The following TENM2 variants were observed in gnomAD, a reference collection of about 807,000 sequenced individuals.
TENM2 encodes the protein teneurin transmembrane protein 2.
In TENM2, 52 loss-of-function variants were observed where a neutral mutation model predicts 245.2. The observed-to-expected ratio is 0.21, with a 90% CI of 0.17 to 0.27. TENM2 has a LOEUF of 0.27. TENM2 is among the 10% of genes least tolerant of loss of function. TENM2 has a pLI of 1.00. For missense variants in TENM2, 3,046 were observed against 3,666.8 expected (o/e 0.83, Z 4.37); for synonymous variants, 1,363 against 1,438.9 (o/e 0.95, Z 1.19).
At chr5:168,239,805 G>C (rs915969536) in intron 25 of TENM2, among the ~76,000 whole-genome samples, 7 of 152,054 alleles carry the variant, frequency 4.6e-5, no homozygotes, top group African/African-American at 9.7e-5. Context: ...TTATATTATG[G>C]TTATATATGT....
Position 167,766,844 on chromosome 5 carries a change from A to T in TENM2, c.503-109142A>T, listed in dbSNP as rs34206266. Among the ~76,000 whole-genome samples the T allele has an allele frequency of 4.9e-3, 738 of 152,164 alleles. 15 individuals carry two copies. Among genetic ancestry groups the T allele is most frequent in the East Asian group, 0.033 (171 of 5,174 alleles). ...CAGTGAGCCAAGATCGTGCCACTAC[A>T]CTCCAGCCTGGGAGACAGAGTGAGA... On this transcript the variant is annotated intron_variant, in intron 2 of 28. Transcript: ENST00000518659.
At chr5:167,571,579 A>ACCT (rs1774265920) in intron 2 of TENM2, among the ~76,000 whole-genome samples, 1 of 152,052 alleles carries the variant, frequency 6.6e-6, no homozygotes, top group African/African-American at 2.4e-5. Flanking sequence ...CAGGGAACCC[A>ACCT]CCTCCTCACT....
At chr5:167,422,553 A>G (rs1487144764) in intron 2 of TENM2, among the ~76,000 whole-genome samples, 2 of 152,184 alleles carry the variant, frequency 1.3e-5, no homozygotes, top group African/African-American at 4.8e-5. Flanking sequence ...TCCACATTGG[A>G]GTATTCTCTA....
chr5:167,963,100 C>T (rs1031825785), intron 4 of TENM2, among the ~76,000 whole-genome samples: 3 of 152,048 alleles, frequency 2.0e-5, no homozygotes, highest in Non-Finnish European at 4.4e-5. Flanking sequence ...CTAAAAGTTA[C>T]AGAGATTTTA....
chr5:167,823,456 A>C (rs1057053580), intron 2 of TENM2, among the ~76,000 whole-genome samples: 24 of 152,086 alleles, frequency 1.6e-4, no homozygotes, highest in African/African-American at 4.8e-4. Flanking sequence ...CCCCCCTGCC[A>C]CCAAATTCTC....
At chr5:167,987,027 A>G (rs993362998) in intron 4 of TENM2, among the ~76,000 whole-genome samples, 2 of 152,188 alleles carry the variant, frequency 1.3e-5, no homozygotes, top group Non-Finnish European at 2.9e-5. Flanking sequence ...GAAGAATAGT[A>G]CCATGTAAGA....
intron 3 of TENM2, among the ~76,000 whole-genome samples, chr5:167,918,092 C>A (rs1777083139): frequency 6.6e-6 from 1 of 152,170 alleles, no homozygotes; most frequent in Non-Finnish European, 1.5e-5. Flanking sequence ...GGTTAAACAA[C>A]AGTGAGAAAA....
rs564340630 is a variant in TENM2, at chr5:167,337,049, G to A, written c.227-38149G>A. Among the ~76,000 whole-genome samples, 175 of 147,184 alleles carry A rather than the reference G, an allele frequency of 1.2e-3. 1 individual carries two copies. The South Asian group carries it at 0.017, about 14-fold the overall frequency. ...GGAGAATGGCGTGAACCCGGGAAGC[G>A]GAGCTTGCAGTGAGCCGAGATTGCG... On this transcript the variant is annotated intron_variant, in intron 1 of 28. Coordinates refer to ENST00000518659, the Ensembl canonical transcript of TENM2.
At chr5:167,273,150 C>T in the TENM2 span, among the ~76,000 whole-genome samples, 2 of 152,154 alleles carry the variant, frequency 1.3e-5, no homozygotes, top group East Asian at 3.9e-4. Flanking sequence ...TAGACAAAGG[C>T]TTGCAGGCAA....
At chr5:166,998,355 G>A in the TENM2 span, among the ~76,000 whole-genome samples, 15 of 152,134 alleles carry the variant, frequency 9.9e-5, no homozygotes, top group Admixed American at 9.8e-4. Flanking sequence ...AGGATTTTAA[G>A]CATAGGAATG....
the TENM2 span, among the ~76,000 whole-genome samples, chr5:167,151,221 C>G: frequency 1.3e-3 from 202 of 152,254 alleles, 1 homozygote; most frequent in Non-Finnish European, 2.5e-3. Context: ...AAAGGAAAAA[C>G]AGTGGAATTG....
chr5:167,462,206 G>T (rs1766357140), intron 2 of TENM2, among the ~76,000 whole-genome samples: 1 of 90,840 alleles, frequency 1.1e-5, no homozygotes, highest in Admixed American at 1.7e-4. Context: ...TGCAGGACAT[G>T]CAACAGGGGT....
intron 2 of TENM2, among the ~76,000 whole-genome samples, chr5:167,696,835 C>T (rs2150422573): frequency 1.3e-5 from 2 of 152,230 alleles, no homozygotes; most frequent in African/African-American, 4.8e-5. Context: ...CCTTACTTCC[C>T]ACCTCCTCCT....
At chr5:167,223,855 T>A in the TENM2 span, among the ~76,000 whole-genome samples, 8 of 152,160 alleles carry the variant, frequency 5.3e-5, no homozygotes, top group Non-Finnish European at 1.2e-4. Flanking sequence ...CATCTGATAT[T>A]TGTTGTCATT....
At chr5:167,877,776 A>G (rs766123526) in intron 3 of TENM2, among the ~76,000 whole-genome samples, 1 of 152,238 alleles carries the variant, frequency 6.6e-6, no homozygotes, top group Non-Finnish European at 1.5e-5. Context: ...AATTAAAAAT[A>G]TGTGGAAATA....
chr5:167,746,849 C>T (rs1223388316), intron 2 of TENM2, among the ~76,000 whole-genome samples: 2 of 152,048 alleles, frequency 1.3e-5, no homozygotes, highest in East Asian at 3.9e-4. Context: ...CGTGTGTGTG[C>T]ATACACACAT....
chr5:167,274,694 G>A, the TENM2 span, among the ~76,000 whole-genome samples: 9 of 150,758 alleles, frequency 6.0e-5, no homozygotes, highest in South Asian at 1.9e-3. Context: ...AAAAAAAGTA[G>A]CTATTATAAT....
intron 5 of TENM2, among the ~76,000 whole-genome samples, chr5:168,044,922 T>C (rs1239011819): frequency 2.7e-5 from 4 of 150,426 alleles, no homozygotes; most frequent in Non-Finnish European, 4.4e-5. Flanking sequence ...AGAGAAAGAA[T>C]GGCTGATTAA....
intron 2 of TENM2, among the ~76,000 whole-genome samples, chr5:167,412,558 TACTC>T (rs1424039276): frequency 6.6e-6 from 1 of 152,174 alleles, no homozygotes; most frequent in Non-Finnish European, 1.5e-5. Context: ...GATTATCTAT[TACTC>T]AATCTTAGAA....
Sources: gnomAD v4.1 joint callset for allele counts (sites outside exome capture counted in the v4.1 genomes callset) on GRCh38, gnomAD v4.1.1 for gene constraint, MANE v1.5 for transcripts, NCBI Gene and HGNC (gene_info 2026-07-23, HGNC 2026-07-21) for gene names.